Variants in WWOX observed in about 807,000 individuals in gnomAD.
The protein encoded by WWOX is WW domain containing oxidoreductase.
In WWOX, 69 loss-of-function variants were observed where a neutral mutation model predicts 46.2. The ratio of observed to expected loss-of-function variants is 1.49; its 90% CI spans 1.23 to 1.82. The LOEUF is 1.82. Ranked by LOEUF, WWOX falls within the 40% of genes most tolerant of loss-of-function variation. The pLI is 0.00. For missense variants in WWOX, 919 were observed against 542.6 expected (o/e 1.69, Z -6.89); for synonymous variants, 359 against 202.6 (o/e 1.77, Z -6.56).
At chr16:79,113,256 C>T (rs2049451004) in intron 8 of WWOX, among the ~76,000 whole-genome samples, 1 of 152,238 alleles carries the variant, frequency 6.6e-6, no homozygotes, top group African/African-American at 2.4e-5. Flanking sequence ...TCCCAGGGTG[C>T]GTTAGGGAGC....
chr16:79,038,274 G>A (rs146202277), intron 8 of WWOX, among the ~76,000 whole-genome samples: 57 of 152,190 alleles, frequency 3.7e-4, no homozygotes, highest in African/African-American at 1.3e-3. Flanking sequence ...ATTGTCTCCT[G>A]AAGATAAAAT....
At chr16:78,723,130 C>G (rs1333922910) in intron 8 of WWOX, among the ~76,000 whole-genome samples, 3 of 152,178 alleles carry the variant, frequency 2.0e-5, no homozygotes, top group Non-Finnish European at 4.4e-5. Context: ...GAAAGATCAT[C>G]CCGTCAACTG....
intron 8 of WWOX, among the ~76,000 whole-genome samples, chr16:78,768,391 A>G (rs964245151): frequency 6.6e-6 from 1 of 150,868 alleles, no homozygotes; most frequent in African/African-American, 2.4e-5. Context: ...GGAGTTTGAG[A>G]CCACACTGGC....
At chr16:78,788,828 G>T (rs2050521683) in intron 8 of WWOX, among the ~76,000 whole-genome samples, 5 of 152,148 alleles carry the variant, frequency 3.3e-5, no homozygotes, top group Admixed American at 3.3e-4. Context: ...GGCAGTCTTG[G>T]GGACTGAGCC....
intron 8 of WWOX, among the ~76,000 whole-genome samples, chr16:78,906,573 C>G (rs948428066): frequency 1.3e-5 from 2 of 152,134 alleles, no homozygotes; most frequent in Non-Finnish European, 2.9e-5. Flanking sequence ...AAATATACAT[C>G]TTTCAGGGGA....
chr16:79,209,507 G>T (rs186151198), intron 8 of WWOX, among the ~76,000 whole-genome samples: 1 of 152,178 alleles, frequency 6.6e-6, no homozygotes, highest in African/African-American at 2.4e-5. Context: ...AACCATTGTG[G>T]CATAGAGGGC....
At chr16:78,928,027 G>T (rs760203012) in intron 8 of WWOX, among the ~76,000 whole-genome samples, 1 of 152,002 alleles carries the variant, frequency 6.6e-6, no homozygotes, top group African/African-American at 2.4e-5. Context: ...TTGCTAGAAT[G>T]CATAAACAAA....
At position 79,198,504 on chromosome 16, in the gene WWOX, C is replaced by A. The variant is rs150232765; in HGVS notation, c.1057-13104C>A. ...AAGCCCTGGCCTCCACTGCAGTTTT[C>A]ACATCAAACCTAAGAGTCTCAGGTG... is the stretch of plus-strand genomic sequence containing the variant. On this transcript the variant is annotated intron_variant, in intron 8 of 8. Transcript: ENST00000566780. Among the ~76,000 whole-genome samples, 558 of 152,304 alleles carry A rather than the reference C, an allele frequency of 3.7e-3. 4 individuals are homozygous for A. The highest frequency in any genetic ancestry group is 0.022 in the Admixed American group (339 of 15,288).
At chr16:78,185,635 C>T (rs2035675312) in intron 5 of WWOX, among the ~76,000 whole-genome samples, 4 of 151,852 alleles carry the variant, frequency 2.6e-5, no homozygotes, top group South Asian at 2.1e-4. Flanking sequence ...AATAAAAAGG[C>T]GCAATTATGA....
rs58911641 is a variant in WWOX at position 79,034,811 on chromosome 16, G to A, written c.1057-176797G>A. Among the ~76,000 whole-genome samples, 702 of 152,100 alleles carry A rather than the reference G, an allele frequency of 4.6e-3. 3 individuals carry two copies. The highest frequency in any genetic ancestry group is 0.016 in the African/African-American group (660 of 41,498). On this transcript the variant is annotated intron_variant, in intron 8 of 8. Coordinates refer to ENST00000566780, the MANE Select transcript of WWOX (RefSeq NM_016373.4). ...ATGAAGGAATTATTCATTGTATCACGAAACATACCTTCCAGTCTCCCGAGT... is the reference window on the plus strand; with the variant it reads ...ATGAAGGAATTATTCATTGTATCACAAAACATACCTTCCAGTCTCCCGAGT...
At chr16:78,790,381 C>T (rs948005676) in intron 8 of WWOX, among the ~76,000 whole-genome samples, 30 of 152,184 alleles carry the variant, frequency 2.0e-4, no homozygotes, top group African/African-American at 6.0e-4. Flanking sequence ...GTGATTTGCC[C>T]GCCCCAGCCT....
chr16:79,032,458 ATAT>A (rs1273421292), intron 8 of WWOX, among the ~76,000 whole-genome samples: 1 of 147,628 alleles, frequency 6.8e-6, no homozygotes, highest in Non-Finnish European at 1.5e-5. Context: ...GGGTTTCTAT[ATAT>A]TATAATAAAC....
chr16:78,435,628 C>T (rs941640225), intron 8 of WWOX, among the ~76,000 whole-genome samples: 31 of 152,144 alleles, frequency 2.0e-4, no homozygotes, highest in Admixed American at 8.5e-4. Context: ...GGGCACTGGA[C>T]GTGAGCATTT....
At chr16:78,117,201 G>T (rs1336699662) in intron 4 of WWOX, among the ~76,000 whole-genome samples, 5 of 152,202 alleles carry the variant, frequency 3.3e-5, no homozygotes, top group Admixed American at 6.5e-5. Context: ...AATTCATTTT[G>T]TGGACACTGC....
chr16:78,526,757 G>C (rs2043479630), intron 8 of WWOX, among the ~76,000 whole-genome samples: 1 of 152,158 alleles, frequency 6.6e-6, no homozygotes, highest in Admixed American at 6.5e-5. Context: ...TAGGAGTTGA[G>C]GGCAACAGGG....
chr16:79,057,319 G>A (rs2048281354), intron 8 of WWOX, among the ~76,000 whole-genome samples: 2 of 152,338 alleles, frequency 1.3e-5, no homozygotes, highest in South Asian at 4.2e-4. Flanking sequence ...GTGGAAATCA[G>A]TGGACTAGAA....
intron 8 of WWOX, among the ~76,000 whole-genome samples, chr16:78,472,419 T>C (rs752668981): frequency 3.2e-4 from 49 of 152,234 alleles, no homozygotes; most frequent in Non-Finnish European, 5.1e-4. Flanking sequence ...TTAGAAAATT[T>C]AGAATATAAA....
chr16:78,738,084 G>C (rs1419021603), intron 8 of WWOX, among the ~76,000 whole-genome samples: 1 of 152,182 alleles, frequency 6.6e-6, no homozygotes, highest in Non-Finnish European at 1.5e-5. Flanking sequence ...CCCACTTCCA[G>C]AAAGCTAGAG....
Position 78,112,675 on chromosome 16 carries a change from GT to G in WWOX, c.231-2287del, listed in dbSNP as rs199790066. Among the ~76,000 whole-genome samples, 390 of 129,172 alleles carry G rather than the reference GT, an allele frequency of 3.0e-3. 8 individuals are homozygous for G. In the East Asian group the frequency reaches 0.052, roughly 17 times the overall value. 84.7% of individuals were successfully genotyped at this position (129,172 alleles called of 152,430 possible). A position where few individuals can be genotyped will look rare whatever the true frequency, so the allele number is the denominator to read the frequency against. ...GTTGTATGTTGAAAATGTTGAAAAT[GT>G]TTTTTTTTTTTTTCCAAGTTTTCTT... On this transcript the variant is annotated intron_variant, in intron 3 of 8. Coordinates refer to ENST00000566780, the MANE Select transcript of WWOX (RefSeq NM_016373.4).
Sources: allele counts gnomAD v4.1 joint callset (sites outside exome capture counted in the v4.1 genomes callset), GRCh38; gene constraint gnomAD v4.1.1; transcripts MANE v1.5; gene names NCBI Gene and HGNC (gene_info 2026-07-23, HGNC 2026-07-21).